Variants in CNTNAP2 observed in about 807,000 individuals in gnomAD.
The protein encoded by CNTNAP2 is contactin-associated protein-like 2.
CNTNAP2 carries 98 observed loss-of-function variants against 155.2 expected under a neutral mutation model. The ratio of observed to expected loss-of-function variants is 0.63; its 90% CI spans 0.54 to 0.75. CNTNAP2 has a LOEUF of 0.75. CNTNAP2 is among the 30% of genes least tolerant of loss of function. CNTNAP2 has a pLI of 0.00. For missense variants in CNTNAP2, 1,727 were observed against 1,688.1 expected, an observed-to-expected ratio of 1.02 and a Z score of -0.40; for synonymous variants, 651 against 631.2, an observed-to-expected ratio of 1.03 and a Z score of -0.47.
Position 147,192,875 on chromosome 7 carries a change from T to C in CNTNAP2, c.1348+60366T>C, listed in dbSNP as rs140887809. On this transcript the variant is annotated intron_variant, in intron 8 of 23. Transcript: ENST00000361727. Reference sequence around the variant, plus strand: ...GACTAGTGGATGATTAGATTCTTCTTTGTAGCTCTATTTGACTGTAATGGG... The same window carrying C: ...GACTAGTGGATGATTAGATTCTTCTCTGTAGCTCTATTTGACTGTAATGGG... Among the ~76,000 whole-genome samples, 32 of 152,344 alleles carry C rather than the reference T, an allele frequency of 2.1e-4. No individual in the cohort carries two copies. In the East Asian group the frequency reaches 6.2e-3, roughly 29 times the overall value.
At chr7:147,812,463 C>T (rs1798196138) in intron 13 of CNTNAP2, among the ~76,000 whole-genome samples, 1 of 149,188 alleles carries the variant, frequency 6.7e-6, no homozygotes, top group Non-Finnish European at 1.5e-5. Context: ...GTACAGAGTT[C>T]TTATATAAGT....
At chr7:147,862,950 T>C (rs4266566) in intron 13 of CNTNAP2, among the ~76,000 whole-genome samples, 89,906 of 151,400 alleles carry the variant, frequency 0.59, 26,918 homozygotes, top group Middle Eastern at 0.7. Context: ...TATATATATA[T>C]TTTAAGTTCT....
intron 14 of CNTNAP2, among the ~76,000 whole-genome samples, chr7:147,935,247 C>G (rs1800584214): frequency 6.6e-6 from 1 of 152,218 alleles, no homozygotes; most frequent in Non-Finnish European, 1.5e-5. Context: ...CTGCCTCAGC[C>G]TCCAGAGTAG....
chr7:147,085,232 G>A (rs533059495), intron 4 of CNTNAP2, among the ~76,000 whole-genome samples: 1 of 151,942 alleles, frequency 6.6e-6, no homozygotes, highest in South Asian at 2.1e-4. Context: ...CTTTTGCCTG[G>A]GCTGGGAAAA....
chr7:147,412,053 G>T (rs1455871642), intron 10 of CNTNAP2, among the ~76,000 whole-genome samples: 2 of 152,142 alleles, frequency 1.3e-5, no homozygotes, highest in Non-Finnish European at 2.9e-5. Context: ...GGGTATTCAA[G>T]AGTGAAGATG....
intron 1 of CNTNAP2, among the ~76,000 whole-genome samples, chr7:146,451,713 C>T (rs771217812): frequency 1.3e-5 from 2 of 151,716 alleles, no homozygotes; most frequent in African/African-American, 2.4e-5. Context: ...TTCAAACAGT[C>T]TTCAAGACTC....
At chr7:148,411,002 G>GAAATGA (rs1799822054) in intron 23 of CNTNAP2, among the ~76,000 whole-genome samples, 1 of 152,048 alleles carries the variant, frequency 6.6e-6, no homozygotes. Context: ...CCGTAAATTT[G>GAAATGA]CACAATGAAA....
chr7:147,578,646 G>T (rs1012470224), intron 12 of CNTNAP2, among the ~76,000 whole-genome samples: 10 of 151,958 alleles, frequency 6.6e-5, no homozygotes, highest in African/African-American at 1.2e-4. Context: ...TGCTTTAAAT[G>T]ATATATTAAT....
chr7:148,122,435 A>G (rs1010247037), intron 16 of CNTNAP2, among the ~76,000 whole-genome samples: 2 of 152,132 alleles, frequency 1.3e-5, no homozygotes, highest in African/African-American at 4.8e-5. Context: ...GAAGTGGGGG[A>G]AGAACAGGAG....
chr7:146,370,055 G>A (rs971191470), intron 1 of CNTNAP2, among the ~76,000 whole-genome samples: 1 of 151,400 alleles, frequency 6.6e-6, no homozygotes, highest in South Asian at 2.1e-4. Context: ...CTTTGATTTT[G>A]TTTTGTTCTT....
intron 1 of CNTNAP2, among the ~76,000 whole-genome samples, chr7:146,634,420 A>G (rs1799564103): frequency 6.6e-6 from 1 of 152,212 alleles, no homozygotes. Context: ...ATTTCTCTCC[A>G]TCATTCCAAG....
intron 1 of CNTNAP2, among the ~76,000 whole-genome samples, chr7:146,267,100 G>A (rs1800005768): frequency 6.6e-6 from 1 of 152,070 alleles, no homozygotes; most frequent in Admixed American, 6.6e-5. Flanking sequence ...TAGAGAGGAG[G>A]CAAATATCAG....
At chr7:146,643,610 T>C (rs1336997795) in intron 1 of CNTNAP2, among the ~76,000 whole-genome samples, 2 of 152,200 alleles carry the variant, frequency 1.3e-5, no homozygotes, top group East Asian at 3.9e-4. Flanking sequence ...TCCAGCTTTG[T>C]TCTTTTGGCT....
At chr7:147,130,582 T>C (rs1253860380) in intron 7 of CNTNAP2, among the ~76,000 whole-genome samples, 1 of 152,128 alleles carries the variant, frequency 6.6e-6, no homozygotes, top group Admixed American at 6.6e-5. Flanking sequence ...AATCAAAATA[T>C]ACATACATAC....
chr7:148,147,275 A>G (rs1007645581), intron 16 of CNTNAP2, among the ~76,000 whole-genome samples: 6 of 152,126 alleles, frequency 3.9e-5, no homozygotes, highest in African/African-American at 1.4e-4. Context: ...AAATAAATAT[A>G]TACCTGACAC....
intron 10 of CNTNAP2, among the ~76,000 whole-genome samples, chr7:147,406,891 A>C (rs1797013625): frequency 6.6e-6 from 1 of 152,224 alleles, no homozygotes; most frequent in South Asian, 2.1e-4. Flanking sequence ...GGGTAAAACC[A>C]CTAAGTACCA....
At chr7:148,272,523 G>T (rs1796800351) in intron 21 of CNTNAP2, among the ~76,000 whole-genome samples, 1 of 152,166 alleles carries the variant, frequency 6.6e-6, no homozygotes, top group Admixed American at 6.5e-5. Flanking sequence ...AGCTGAGAGG[G>T]ATGGTTTAAT....
intron 1 of CNTNAP2, among the ~76,000 whole-genome samples, chr7:146,130,201 C>G (rs79865866): frequency 1.3e-5 from 2 of 152,304 alleles, no homozygotes; most frequent in East Asian, 1.9e-4. Context: ...GTGGCTCATG[C>G]GTATTATCCC....
chr7:146,371,365 G>GTTTTTTTTT lies in CNTNAP2; in HGVS notation c.97+254405_97+254413dup, dbSNP rs58066282. 5.7e-4 allele frequency among the ~76,000 whole-genome samples: 56 copies of GTTTTTTTTT among 98,526 alleles called. 1 individual carries two copies. Among genetic ancestry groups the GTTTTTTTTT allele is most frequent in the Admixed American group, 9.9e-4 (7 of 7,068 alleles). 64.6% of individuals were successfully genotyped at this position (98,526 alleles called of 152,430 possible). On this transcript the variant is annotated intron_variant, in intron 1 of 23. Coordinates refer to ENST00000361727, the MANE Select transcript of CNTNAP2 (RefSeq NM_014141.6). ...TGCAATATAATATATGCCAGTATTA[G>GTTTTTTTTT]TTTTTTTTTTTTTTTTTTTTTGAGA...
Sources: allele counts gnomAD v4.1 joint callset (sites outside exome capture counted in the v4.1 genomes callset), GRCh38; gene constraint gnomAD v4.1.1; transcripts MANE v1.5; gene names NCBI Gene and HGNC (gene_info 2026-07-23, HGNC 2026-07-21).